Variants in DENND2B observed in about 807,000 individuals in gnomAD.
DENND2B encodes the protein DENN domain containing 2B.
A neutral mutation model predicts 116.0 loss-of-function variants in DENND2B; 32 were observed. The observed-to-expected ratio is 0.28, with a 90% CI of 0.21 to 0.37. The LOEUF is 0.37. Among genes scored for constraint, DENND2B ranks in the 10% least tolerant of loss-of-function variants. The pLI is 1.00. For synonymous variants in DENND2B, 588 were observed against 583.9 expected, an observed-to-expected ratio of 1.01 and a Z score of -0.10; for missense variants, 1,276 against 1,477.7, an observed-to-expected ratio of 0.86 and a Z score of 2.24.
intron 2 of DENND2B, among the ~76,000 whole-genome samples, chr11:8,741,636 T>G (rs2050224866): frequency 6.6e-6 from 1 of 152,176 alleles, no homozygotes; most frequent in African/African-American, 2.4e-5. Flanking sequence ...TGTTACTGCT[T>G]GATTGATAGC....
intron 3 of DENND2B, among the ~76,000 whole-genome samples, chr11:8,840,956 C>T (rs1255101288): frequency 6.6e-6 from 1 of 152,150 alleles, no homozygotes; most frequent in Non-Finnish European, 1.5e-5. Flanking sequence ...TCAAAATGGA[C>T]TCCCAACAGT....
At chr11:8,694,478 G>T in intron 19 of DENND2B, 1 of 469,640 alleles carries the variant, frequency 2.1e-6, no homozygotes. Flanking sequence ...ACCTGTTATG[G>T]TCTAGAGGAA....
intron 14 of DENND2B, among the ~76,000 whole-genome samples, chr11:8,701,638 T>A (rs554228071): frequency 1.3e-5 from 2 of 152,218 alleles, no homozygotes; most frequent in South Asian, 4.1e-4. Flanking sequence ...AACCCTAGTG[T>A]TCCTGCACTC....
intron 2 of DENND2B, among the ~76,000 whole-genome samples, chr11:8,868,100 C>A (rs1013975772): frequency 6.6e-6 from 1 of 152,158 alleles, no homozygotes; most frequent in Admixed American, 6.5e-5. Flanking sequence ...TCCATTTCAG[C>A]GTATGCCTGG....
intron 1 of DENND2B, among the ~76,000 whole-genome samples, chr11:8,790,222 G>A (rs1013353190): frequency 6.6e-6 from 1 of 152,116 alleles, no homozygotes. Flanking sequence ...CATTTCCTCT[G>A]TGAAACCATG....
At chr11:8,744,460 T>C (rs1028042917) in intron 2 of DENND2B, among the ~76,000 whole-genome samples, 2 of 152,232 alleles carry the variant, frequency 1.3e-5, no homozygotes, top group Middle Eastern at 3.4e-3. Context: ...AAAGGAAATG[T>C]ATCAGCTTGG....
Position 8,693,827 on chromosome 11 carries a change from C to G in DENND2B, c.*269G>C, listed in dbSNP as rs2039834640. On this transcript the variant is annotated 3_prime_UTR_variant, in exon 20 of 20. Transcript: ENST00000313726. ...CACCCAGCGAAACTTCATCCATGCT[C>G]TGGCAGGACAGGAAAGCACCCGGCC... 1 of 364,074 alleles carries G rather than the reference C, an allele frequency of 2.7e-6. No homozygotes were observed. Among genetic ancestry groups the G allele is most frequent in the African/African-American group, 2.1e-5 (1 of 47,360 alleles). The allele number at this position is 364,074 out of a possible 1,614,324, so 22.6% of individuals were successfully genotyped here.
At chr11:8,863,919 G>A (rs2063492344) in intron 2 of DENND2B, among the ~76,000 whole-genome samples, 1 of 152,036 alleles carries the variant, frequency 6.6e-6, no homozygotes, top group Non-Finnish European at 1.5e-5. Context: ...TACTTAGAAT[G>A]CACTCATCCC....
chr11:8,814,342 T>C (rs2134518740), upstream of DENND2B, among the ~76,000 whole-genome samples: 1 of 147,312 alleles, frequency 6.8e-6, no homozygotes, highest in Non-Finnish European at 1.5e-5. Context: ...CCACTACACT[T>C]AAGATAAAAT....
At chr11:8,838,294 C>T (rs971551675) in intron 4 of DENND2B, among the ~76,000 whole-genome samples, 2 of 152,116 alleles carry the variant, frequency 1.3e-5, no homozygotes, top group Admixed American at 6.6e-5. Flanking sequence ...GAAATAAGTT[C>T]CCCTCTAACA....
chr11:8,730,264 A>G lies in DENND2B; in HGVS notation c.1026T>C (p.Ala342=). 6.2e-7 allele frequency: 1 copy of G among 1,611,148 alleles called. No individual in the cohort carries two copies. The highest frequency in any genetic ancestry group is 2.2e-5 in the East Asian group (1 of 44,866). ...GTGGGCCCGCCTCCCCCGCAACACCAGCCACTCCGACTGCCCGGCTGCCAG... is the reference window on the plus strand; with the variant it reads ...GTGGGCCCGCCTCCCCCGCAACACCGGCCACTCCGACTGCCCGGCTGCCAG... ...VSAGSRAVGV[A]GVAGEAGPPP... is the part of the protein sequence containing the mutation. The change falls in exon 3 of 20, where the codon GCT becomes GCC. Residue 342 remains alanine, a synonymous_variant. Coordinates refer to ENST00000313726, the MANE Select transcript of DENND2B (RefSeq NM_213618.2). The surrounding 1 kb of genome is among the most constrained non-coding windows in gnomAD (Gnocchi z 4.1).
intron 2 of DENND2B, among the ~76,000 whole-genome samples, chr11:8,877,766 C>G (rs756827644): frequency 6.6e-6 from 1 of 152,028 alleles, no homozygotes; most frequent in African/African-American, 2.4e-5. Context: ...ATCCATAGTT[C>G]CCCCCCAAAA....
chr11:8,861,288 C>T (rs982884701), intron 2 of DENND2B, among the ~76,000 whole-genome samples: 1 of 152,012 alleles, frequency 6.6e-6, no homozygotes, highest in Non-Finnish European at 1.5e-5. Flanking sequence ...ATGCATCTGA[C>T]AAACAACAAA....
intron 13 of DENND2B, 119 bp downstream of exon 13, chr11:8,706,966 A>G: frequency 7.6e-7 from 1 of 1,309,304 alleles, no homozygotes; most frequent in Non-Finnish European, 1.0e-6. Context: ...GGGTACACAG[A>G]CATGGTTGAG....
intron 3 of DENND2B, among the ~76,000 whole-genome samples, chr11:8,727,909 T>A (rs1307681946): frequency 6.6e-6 from 1 of 151,610 alleles, no homozygotes; most frequent in African/African-American, 2.4e-5. Flanking sequence ...GGTTTTTTTT[T>A]TTTTTTTTGG....
chr11:8,810,209 A>G (rs1419012516), intron 1 of DENND2B: 4 of 152,156 alleles, frequency 2.6e-5, no homozygotes, highest in South Asian at 4.1e-4. Context: ...ATTTTTCCAT[A>G]TAAAAGATTC....
intron 1 of DENND2B, among the ~76,000 whole-genome samples, chr11:8,886,877 G>A (rs2063966864): frequency 1.3e-5 from 2 of 152,040 alleles, no homozygotes; most frequent in Admixed American, 1.3e-4. Context: ...TGCCCAGGCT[G>A]GAGTGCAATG....
At chr11:8,738,101 TACAGAGGGC>T (rs2049429801) in intron 2 of DENND2B, among the ~76,000 whole-genome samples, 1 of 152,150 alleles carries the variant, frequency 6.6e-6, no homozygotes, top group Admixed American at 6.5e-5. Flanking sequence ...TCAGTGCAGA[TACAGAGGGC>T]ACAAATGCAG....
At chr11:8,770,278 G>T (rs1226768860) in intron 1 of DENND2B, among the ~76,000 whole-genome samples, 1 of 152,106 alleles carries the variant, frequency 6.6e-6, no homozygotes, top group African/African-American at 2.4e-5. Flanking sequence ...AATGCAAAAG[G>T]TATCTTCTCC....
Sources: gnomAD v4.1 joint callset for allele counts (sites outside exome capture counted in the v4.1 genomes callset) on GRCh38, gnomAD v4.1.1 for gene constraint, Gnocchi (gnomAD v3.1) non-coding constraint, MANE v1.5 for transcripts, NCBI Gene and HGNC (gene_info 2026-07-23, HGNC 2026-07-21) for gene names.